SYN3: variants seen among roughly 807,000 people sequenced by gnomAD.
SYN3 encodes synapsin-3.
In SYN3, 35 loss-of-function variants were observed where a neutral mutation model predicts 65.8. That is an observed-to-expected ratio of 0.53 (90% CI 0.41 to 0.70). The LOEUF (loss-of-function observed/expected upper bound fraction) is 0.70, where lower values mean the gene tolerates loss of function less well. SYN3 is among the 30% of genes least tolerant of loss of function. SYN3 has a pLI of 0.00. For synonymous variants in SYN3, 270 were observed against 292.9 expected, an observed-to-expected ratio of 0.92 and a Z score of 0.80; for missense variants, 680 against 749.0, an observed-to-expected ratio of 0.91 and a Z score of 1.08.
intron 1 of SYN3, among the ~76,000 whole-genome samples, chr22:33,052,259 T>C (rs1454475856): frequency 6.6e-6 from 1 of 152,166 alleles, no homozygotes; most frequent in East Asian, 1.9e-4. Context: ...GGTTGAACAA[T>C]GCTCAGAAGC....
At chr22:32,653,633 A>C (rs1291647575) in intron 6 of SYN3, among the ~76,000 whole-genome samples, 4 of 148,014 alleles carry the variant, frequency 2.7e-5, no homozygotes, top group African/African-American at 8.0e-5. Context: ...TTCCAGTCAG[A>C]AGATGCAGGA....
At chr22:33,052,729 C>T (rs1379601268) in intron 1 of SYN3, among the ~76,000 whole-genome samples, 7 of 152,244 alleles carry the variant, frequency 4.6e-5, no homozygotes, top group Non-Finnish European at 7.3e-5. Context: ...ATTACATCAT[C>T]GGTCAGCACC....
At chr22:32,587,512 G>A (rs1216657553) in intron 7 of SYN3, among the ~76,000 whole-genome samples, 2 of 152,084 alleles carry the variant, frequency 1.3e-5, no homozygotes, top group Admixed American at 6.5e-5. Context: ...TCCCAGTTGC[G>A]GGGAACCTTT....
At chr22:32,521,992 C>T (rs1374872989) in intron 12 of SYN3, among the ~76,000 whole-genome samples, 1 of 152,186 alleles carries the variant, frequency 6.6e-6, no homozygotes, top group African/African-American at 2.4e-5. Flanking sequence ...GAGTGCTAAC[C>T]ATTACCACTG....
At chr22:32,763,833 G>C (rs61242359) in intron 6 of SYN3, among the ~76,000 whole-genome samples, 103 of 152,286 alleles carry the variant, frequency 6.8e-4, no homozygotes, top group Admixed American at 1.8e-3. Flanking sequence ...AGGGGAAGGA[G>C]ATCAGGGTAT....
intron 4 of SYN3, among the ~76,000 whole-genome samples, chr22:32,884,270 A>C (rs755061685): frequency 6.6e-6 from 1 of 152,230 alleles, no homozygotes; most frequent in Non-Finnish European, 1.5e-5. Flanking sequence ...AGCTCATTTA[A>C]TTCTTCCAAT....
At chr22:33,033,964 C>G (rs1274177714) in intron 1 of SYN3, among the ~76,000 whole-genome samples, 1 of 151,994 alleles carries the variant, frequency 6.6e-6, no homozygotes, top group Admixed American at 6.5e-5. Context: ...GCGGGTGGAT[C>G]ACCTGAGGTT....
chr22:32,753,349 T>C (rs1940173539), intron 6 of SYN3, among the ~76,000 whole-genome samples: 1 of 151,804 alleles, frequency 6.6e-6, no homozygotes, highest in South Asian at 2.1e-4. Context: ...CTCCAGAAAT[T>C]CCCAACTCCT....
intron 2 of SYN3, among the ~76,000 whole-genome samples, chr22:32,984,608 C>T (rs1304542102): frequency 6.6e-6 from 1 of 151,232 alleles, no homozygotes; most frequent in Non-Finnish European, 1.5e-5. Flanking sequence ...CCTAAGAGTG[C>T]AATTTGTAGG....
chr22:32,925,584 C>T (rs565293645), intron 4 of SYN3, among the ~76,000 whole-genome samples: 1 of 152,126 alleles, frequency 6.6e-6, no homozygotes, highest in Admixed American at 6.5e-5. Context: ...TCTATTTTTG[C>T]AAAGTGATTC....
chr22:32,617,677 A>G (rs1229687819), intron 6 of SYN3, among the ~76,000 whole-genome samples: 1 of 152,108 alleles, frequency 6.6e-6, no homozygotes, highest in Non-Finnish European at 1.5e-5. Context: ...AATAGTGGGA[A>G]GCCCAGTAAA....
At chr22:32,606,424 C>T (rs149640924) in intron 6 of SYN3, among the ~76,000 whole-genome samples, 3 of 152,300 alleles carry the variant, frequency 2.0e-5, no homozygotes, top group Admixed American at 6.5e-5. Context: ...ATTTTAAGCA[C>T]GGCACATAGA....
At chr22:32,594,377 T>C (rs1449585075) in intron 7 of SYN3, among the ~76,000 whole-genome samples, 1 of 152,210 alleles carries the variant, frequency 6.6e-6, no homozygotes, top group African/African-American at 2.4e-5. Flanking sequence ...ATCATTTGAC[T>C]GATGAGGAAA....
intron 2 of SYN3, among the ~76,000 whole-genome samples, chr22:32,998,776 T>TA (rs34372968): frequency 0.16 from 12,916 of 81,588 alleles, 1,168 homozygotes; most frequent in East Asian, 0.29. Flanking sequence ...ATAGAAATAG[T>TA]AAAAAAAAAA....
At chr22:33,058,001 A>C (rs1230530157) in intron 1 of SYN3, 1 of 152,320 alleles carries the variant, frequency 6.6e-6, no homozygotes, top group Non-Finnish European at 1.5e-5. Flanking sequence ...TAGGATCCAC[A>C]GTCTTGCGCG....
chr22:32,664,842 G>C (rs944367839), intron 6 of SYN3, among the ~76,000 whole-genome samples: 1 of 150,928 alleles, frequency 6.6e-6, no homozygotes, highest in African/African-American at 2.4e-5. Context: ...TGCCCGCCTC[G>C]GCCTCCCAAT....
At chr22:32,572,243 C>CTCCTTCTTTCCTTCCTTCCTTCCTTCCT (rs2058768375) in intron 7 of SYN3, among the ~76,000 whole-genome samples, 1 of 112,242 alleles carries the variant, frequency 8.9e-6, no homozygotes, top group African/African-American at 3.8e-5. Flanking sequence ...CAGATTCTGG[C>CTCCTTCTTTCCTTCCTTCCTTCCTTCCT]TCCTTCCTTC....
intron 6 of SYN3, among the ~76,000 whole-genome samples, chr22:32,672,481 C>T (rs1490945213): frequency 1.3e-5 from 2 of 152,194 alleles, no homozygotes; most frequent in Non-Finnish European, 1.5e-5. Flanking sequence ...AGTCTCAGCG[C>T]TAAGTCTGGA....
intron 4 of SYN3, among the ~76,000 whole-genome samples, chr22:32,884,017 C>T (rs1382660527): frequency 2.0e-5 from 3 of 152,204 alleles, no homozygotes; most frequent in Non-Finnish European, 4.4e-5. Context: ...AGGTATGTTT[C>T]CTCAAGTTCT....
Sources: allele counts gnomAD v4.1 joint callset (sites outside exome capture counted in the v4.1 genomes callset), GRCh38; gene constraint gnomAD v4.1.1; transcripts MANE v1.5; gene names NCBI Gene and HGNC (gene_info 2026-07-23, HGNC 2026-07-21).